The following DGKG variants were observed in gnomAD, a reference collection of about 807,000 sequenced individuals.
DGKG encodes DAG kinase gamma.
DGKG carries 78 observed loss-of-function variants against 105.3 expected under a neutral mutation model. That is an observed-to-expected ratio of 0.74 (90% CI 0.62 to 0.89). The LOEUF (loss-of-function observed/expected upper bound fraction) is 0.89. Ranked by LOEUF, DGKG falls within the 40% of genes least tolerant of loss-of-function variation. DGKG has a pLI of 0.00. For synonymous variants in DGKG, 346 were observed against 367.1 expected (o/e 0.94, Z 0.66); for missense variants, 958 against 1,020.1 (o/e 0.94, Z 0.83).
At chr3:186,241,216 T>C (rs144791613) in intron 20 of DGKG, among the ~76,000 whole-genome samples, 212 of 152,192 alleles carry the variant, frequency 1.4e-3, no homozygotes, top group African/African-American at 4.8e-3. Flanking sequence ...TGGCCAGTGA[T>C]GAAAATGATG....
At position 186,347,692 on chromosome 3, in the gene DGKG, C is replaced by T. The variant is rs187516151; in HGVS notation, c.-249+14254G>A. On this transcript the variant is annotated intron_variant, in intron 1 of 24. Transcript: ENST00000265022. ...TCTGCCTCCTGGGTTCAAGTGTTCTCCTGCCTCAGCCTCCTGAGTAGCTGG... is the reference window on the plus strand; with the variant it reads ...TCTGCCTCCTGGGTTCAAGTGTTCTTCTGCCTCAGCCTCCTGAGTAGCTGG... Among the ~76,000 whole-genome samples the T allele has an allele frequency of 4.6e-5, 7 of 151,960 alleles. No individual in the cohort carries two copies. In the East Asian group the frequency reaches 1.2e-3, roughly 26 times the overall value.
intron 1 of DGKG, among the ~76,000 whole-genome samples, chr3:186,324,035 G>A (rs750999960): frequency 4.7e-5 from 7 of 150,028 alleles, no homozygotes; most frequent in Non-Finnish European, 7.4e-5. Context: ...TTGAACCAGG[G>A]AGTCAGAGGT....
rs764032080 is a variant in DGKG, at chr3:186,226,397, A to T, written c.1827-14512T>A. On this transcript the variant is annotated intron_variant, in intron 20 of 24. Transcript: ENST00000265022. The surrounding 1 kb of genome is among the most constrained non-coding windows in gnomAD (Gnocchi z 4.2). ...GAACCAGAACGTCAGCTCAAATCAG[A>T]GGGCATCCCGTGGTGTTATCTCCAC... Among the ~76,000 whole-genome samples, 6 of 152,146 alleles carry T rather than the reference A, an allele frequency of 3.9e-5. No individual in the cohort carries two copies. Among genetic ancestry groups the T allele is most frequent in the Non-Finnish European group, 7.3e-5 (5 of 68,032 alleles).
intron 1 of DGKG, among the ~76,000 whole-genome samples, chr3:186,331,101 G>C (rs1725581711): frequency 6.6e-6 from 1 of 152,364 alleles, no homozygotes; most frequent in African/African-American, 2.4e-5. Flanking sequence ...ACTGCCTGCT[G>C]TAGGGTTAGC....
At position 186,210,420 on chromosome 3, in the gene DGKG, G is replaced by A. The variant is rs745645931; in HGVS notation, c.1917+1375C>T. On this transcript the variant is annotated intron_variant, in intron 21 of 24. Coordinates refer to ENST00000265022, the MANE Select transcript of DGKG (RefSeq NM_001346.3). The surrounding 1 kb of genome is among the most constrained non-coding windows in gnomAD (Gnocchi z 5.2). ...AGGACCGGCTTCTCAGACTCCCTGT[G>A]TGCCACCTGGGGACACACAACCTGG... is the stretch of plus-strand genomic sequence containing the variant. Among the ~76,000 whole-genome samples the A allele has an allele frequency of 6.6e-6, 1 of 152,202 alleles. No homozygotes were observed.
In DGKG at chr3:186,209,823, A is replaced by T. The variant is rs1718939313; in HGVS notation, c.1917+1972T>A. Among the ~76,000 whole-genome samples the T allele has an allele frequency of 2.0e-5, 3 of 152,110 alleles. No individual in the cohort carries two copies. In the South Asian group the frequency reaches 6.2e-4, roughly 32 times the overall value. On this transcript the variant is annotated intron_variant, in intron 21 of 24. Coordinates refer to ENST00000265022, the MANE Select transcript of DGKG (RefSeq NM_001346.3). ...GACCATTCACCGCTATTCTCTGGATACAGAAATGGTGCCTGCCCCAATCCT... is the reference window on the plus strand; with the variant it reads ...GACCATTCACCGCTATTCTCTGGATTCAGAAATGGTGCCTGCCCCAATCCT...
At chr3:186,234,274 C>T (rs750569775) in intron 20 of DGKG, among the ~76,000 whole-genome samples, 2 of 152,174 alleles carry the variant, frequency 1.3e-5, no homozygotes, top group African/African-American at 4.8e-5. Context: ...GCCTTTTGCT[C>T]GAAGACATCT....
intron 1 of DGKG, among the ~76,000 whole-genome samples, chr3:186,349,688 G>C (rs1391742557): frequency 3.9e-5 from 6 of 152,152 alleles, no homozygotes; most frequent in Non-Finnish European, 8.8e-5. Flanking sequence ...AGGGGCCATT[G>C]GATACGTTTG....
chr3:186,166,835 CTG>C (rs928048745), intron 22 of DGKG, among the ~76,000 whole-genome samples: 5 of 152,148 alleles, frequency 3.3e-5, no homozygotes, highest in South Asian at 2.1e-4. Context: ...GTCTTGGAAA[CTG>C]TTGTTCTTTG....
At chr3:186,297,074 A>T (rs1578793669) in intron 5 of DGKG, among the ~76,000 whole-genome samples, 5 of 139,574 alleles carry the variant, frequency 3.6e-5, no homozygotes, top group African/African-American at 1.1e-4. Context: ...TCTCTCACAC[A>T]CACACACACA....
chr3:186,278,609 A>G (rs1333936270), intron 9 of DGKG, among the ~76,000 whole-genome samples: 2 of 152,190 alleles, frequency 1.3e-5, no homozygotes, highest in African/African-American at 4.8e-5. Flanking sequence ...GGTCATGTAG[A>G]TCCTGGTTCC....
intron 10 of DGKG, among the ~76,000 whole-genome samples, chr3:186,272,873 G>A (rs184521310): frequency 2.4e-4 from 37 of 152,030 alleles, no homozygotes; most frequent in Non-Finnish European, 3.5e-4. Context: ...CGTTACAGGC[G>A]TGCACCACCA....
chr3:186,263,156 A>AAACAAAC (rs1434942832), intron 14 of DGKG, among the ~76,000 whole-genome samples: 2 of 148,698 alleles, frequency 1.3e-5, no homozygotes, highest in African/African-American at 5.1e-5. Flanking sequence ...ACAAACAAAC[A>AAACAAAC]AACAAAAAAC....
chr3:186,300,357 A>T (rs1042647418), intron 3 of DGKG, among the ~76,000 whole-genome samples: 3 of 152,110 alleles, frequency 2.0e-5, no homozygotes, highest in African/African-American at 7.2e-5. Context: ...CCTTAATCCC[A>T]TTCGGATTGG....
intron 21 of DGKG, among the ~76,000 whole-genome samples, chr3:186,206,398 C>CAA (rs747941808): frequency 4.2e-5 from 6 of 143,782 alleles, no homozygotes; most frequent in African/African-American, 1.6e-4. Flanking sequence ...CAAAACAAAA[C>CAA]AAAACAAAAA....
At chr3:186,188,454 G>T in intron 21 of DGKG, 75 bp from the exon 22 acceptor site, 2 of 1,335,638 alleles carry the variant, frequency 1.5e-6, no homozygotes, top group Non-Finnish European at 2.1e-6. Context: ...GTGTGTGTGC[G>T]TGCGTGTGTG....
intron 1 of DGKG, among the ~76,000 whole-genome samples, chr3:186,342,567 T>C (rs977600175): frequency 1.3e-5 from 2 of 152,192 alleles, no homozygotes; most frequent in African/African-American, 4.8e-5. Flanking sequence ...TATTTGATTT[T>C]TTGTTTTGTT....
Position 186,310,036 on chromosome 3 carries a change from A to C in DGKG, c.68-3059T>G, listed in dbSNP as rs1030350133. Reference sequence around the variant, plus strand: ...GTAATCCCAGCACTTTGGGAGGCTGAGGCGGGCGGATCACGAGGTCAGGAG... The same window carrying C: ...GTAATCCCAGCACTTTGGGAGGCTGCGGCGGGCGGATCACGAGGTCAGGAG... On this transcript the variant is annotated intron_variant, in intron 2 of 24. Transcript: ENST00000265022. Among the ~76,000 whole-genome samples the C allele has an allele frequency of 2.6e-4, 39 of 151,622 alleles. No homozygotes were observed. In the East Asian group the frequency reaches 6.6e-3, roughly 25 times the overall value.
At chr3:186,184,866 C>G (rs1410239765) in intron 22 of DGKG, among the ~76,000 whole-genome samples, 1 of 152,166 alleles carries the variant, frequency 6.6e-6, no homozygotes, top group Non-Finnish European at 1.5e-5. Context: ...AGAGAGAGCT[C>G]TCTGCCTCCT....
Sources: gnomAD v4.1 joint callset for allele counts (sites outside exome capture counted in the v4.1 genomes callset) on GRCh38, gnomAD v4.1.1 for gene constraint, Gnocchi (gnomAD v3.1) non-coding constraint, MANE v1.5 for transcripts, NCBI Gene and HGNC (gene_info 2026-07-23, HGNC 2026-07-21) for gene names.